The following MPDZ variants were observed in gnomAD, a reference collection of about 807,000 sequenced individuals.
The protein encoded by MPDZ is multiple PDZ domain protein.
MPDZ carries 234 observed loss-of-function variants against 239.1 expected under a neutral mutation model. The observed-to-expected ratio is 0.98, with a 90% confidence interval of 0.88 to 1.09. The LOEUF is 1.09. Among genes scored for constraint, MPDZ ranks in the 50% least tolerant of loss-of-function variants. The pLI is 0.00. For synonymous variants in MPDZ, 1,048 were observed against 881.3 expected (o/e 1.19, Z -3.35); for missense variants, 3,175 against 2,510.0 (o/e 1.26, Z -5.66).
At position 13,221,357 on chromosome 9, in the gene MPDZ, A is replaced by G. The variant is rs993244081; in HGVS notation, c.876+15T>C. 1.9e-6 allele frequency: 3 copies of G among 1,588,944 alleles called. No individual in the cohort carries two copies. Among genetic ancestry groups the G allele is most frequent in the African/African-American group, 2.7e-5 (2 of 74,060 alleles). On this transcript the variant is annotated intron_variant, in intron 7 of 46. Transcript: ENST00000319217. Reference sequence around the variant, plus strand: ...TTTGATAAAATAGCATAAAAGATCTATTGATGTAGCCTACCTGATCAGCTA... The same window carrying G: ...TTTGATAAAATAGCATAAAAGATCTGTTGATGTAGCCTACCTGATCAGCTA...
intron 6 of MPDZ, among the ~76,000 whole-genome samples, chr9:13,222,010 G>A (rs900322335): frequency 2.6e-5 from 4 of 152,052 alleles, no homozygotes; most frequent in Admixed American, 6.6e-5. Flanking sequence ...TTTAAGGAAT[G>A]CTGTCAAAGG....
At chr9:13,266,268 G>A (rs564964113) in intron 1 of MPDZ, among the ~76,000 whole-genome samples, 19 of 152,246 alleles carry the variant, frequency 1.2e-4, no homozygotes, top group African/African-American at 1.2e-4. Flanking sequence ...ATTTCTCATC[G>A]GAAGTCCTCT....
chr9:13,197,686 C>A (rs1955824771), intron 12 of MPDZ, among the ~76,000 whole-genome samples: 1 of 151,980 alleles, frequency 6.6e-6, no homozygotes, highest in African/African-American at 2.4e-5. Flanking sequence ...TGCTGTTGAA[C>A]ACTAGAACTT....
In MPDZ at chr9:13,210,596, G is replaced by A. The variant is rs910195857; in HGVS notation, c.1291-4497C>T. 2.0e-5 allele frequency among the ~76,000 whole-genome samples: 3 copies of A among 152,168 alleles called. No homozygotes were observed. The South Asian group carries it at 6.2e-4, about 32-fold the overall frequency. On this transcript the variant is annotated intron_variant, in intron 10 of 46. Transcript: ENST00000319217. ...AGCTGCTTTGACAGTGGAGCCAGAG[G>A]AAACTTCTGTTATGTTGGGAGCTGC...
intron 25 of MPDZ, 104 bp downstream of exon 25, chr9:13,150,407 G>T: frequency 1.2e-6 from 1 of 861,760 alleles, no homozygotes; most frequent in Non-Finnish European, 1.6e-6. Flanking sequence ...AAAAATTTTA[G>T]CACATGTACC....
At chr9:13,217,459 G>T (rs1179026186) in intron 8 of MPDZ, among the ~76,000 whole-genome samples, 165 bp from the exon 9 acceptor site, 3 of 151,872 alleles carry the variant, frequency 2.0e-5, no homozygotes, top group African/African-American at 7.2e-5. Flanking sequence ...CCTGAAAACA[G>T]GGATAGGCAT....
At chr9:13,180,119 G>A (rs1017749191) in intron 19 of MPDZ, among the ~76,000 whole-genome samples, 3 of 151,994 alleles carry the variant, frequency 2.0e-5, no homozygotes, top group African/African-American at 7.3e-5. Context: ...TGATTAGAGT[G>A]ATTTAGTTTT....
intron 16 of MPDZ, among the ~76,000 whole-genome samples, chr9:13,189,421 C>G (rs1954595740): frequency 6.6e-6 from 1 of 151,972 alleles, no homozygotes; most frequent in East Asian, 1.9e-4. Flanking sequence ...TAGGACCCAT[C>G]CTTTTGAAAT....
intron 1 of MPDZ, among the ~76,000 whole-genome samples, chr9:13,255,488 T>C (rs746740318): frequency 5.3e-5 from 8 of 152,214 alleles, no homozygotes; most frequent in Non-Finnish European, 8.8e-5. Context: ...GTACAGAAGC[T>C]ATAACTTTAC....
chr9:13,108,896 G>A (rs1465377071), intron 46 of MPDZ, 40 bp downstream of exon 46: 4 of 1,599,650 alleles, frequency 2.5e-6, no homozygotes, highest in Non-Finnish European at 3.4e-6. Context: ...ATTAATGAAT[G>A]TTTAGGGGAA....
chr9:13,199,861 C>G (rs1464717438), intron 12 of MPDZ, among the ~76,000 whole-genome samples: 1 of 151,988 alleles, frequency 6.6e-6, no homozygotes, highest in Non-Finnish European at 1.5e-5. Flanking sequence ...ATCTGGTTTG[C>G]TAGTATTTTG....
chr9:13,214,657 C>T (rs2136033402), intron 10 of MPDZ, among the ~76,000 whole-genome samples: 1 of 152,128 alleles, frequency 6.6e-6, no homozygotes, highest in South Asian at 2.1e-4. Context: ...AGTAAATTAG[C>T]TATGCTTTCA....
chr9:13,136,697 A>G lies in MPDZ; in HGVS notation c.4292+15T>C, dbSNP rs760434818. 3 of 1,480,824 alleles carry G rather than the reference A, an allele frequency of 2.0e-6. No homozygotes were observed. Among genetic ancestry groups the G allele is most frequent in the Non-Finnish European group, 2.8e-6 (3 of 1,074,152 alleles). 91.7% of individuals were successfully genotyped at this position (1,480,824 alleles called of 1,614,324 possible). On this transcript the variant is annotated intron_variant, in intron 30 of 46. Transcript: ENST00000319217. ...ACAAAAAGTATTTGGTAAACTAGCA[A>G]AAGAAAATGATCACCTGATAAAAAT...
At chr9:13,226,214 C>T (rs999839170) in intron 3 of MPDZ, among the ~76,000 whole-genome samples, 16 of 152,142 alleles carry the variant, frequency 1.1e-4, no homozygotes, top group East Asian at 5.8e-4. Flanking sequence ...CAATGACACA[C>T]GTAACAACAA....
intron 25 of MPDZ, among the ~76,000 whole-genome samples, chr9:13,148,051 G>T (rs1333412642): frequency 1.3e-5 from 2 of 151,906 alleles, no homozygotes; most frequent in African/African-American, 2.4e-5. Flanking sequence ...TTGACTATAG[G>T]GTGGTTTGGG....
rs565066750 is a variant in MPDZ at position 13,151,471 on chromosome 9, A to G, written c.3453-783T>C. ...TTCATCCTTTAAAAATGAAATTCTG[A>G]AACATACCATAATATGAATAAACCT... On this transcript the variant is annotated intron_variant, in intron 24 of 46. Transcript: ENST00000319217. 2.8e-4 allele frequency among the ~76,000 whole-genome samples: 42 copies of G among 152,266 alleles called. 2 individuals are homozygous for G. Among genetic ancestry groups the G allele is most frequent in the African/African-American group, 9.6e-4 (40 of 41,570 alleles).
chr9:13,234,142 G>C (rs1394207439), intron 3 of MPDZ, among the ~76,000 whole-genome samples: 1 of 151,902 alleles, frequency 6.6e-6, no homozygotes, highest in Non-Finnish European at 1.5e-5. Context: ...CTGGTACAAG[G>C]CTAATGTAAT....
chr9:13,223,365 G>C (rs138052353), intron 5 of MPDZ, among the ~76,000 whole-genome samples: 1 of 151,908 alleles, frequency 6.6e-6, no homozygotes, highest in Non-Finnish European at 1.5e-5. Context: ...CAAAACTTAA[G>C]TTATGACTAT....
intron 3 of MPDZ, among the ~76,000 whole-genome samples, chr9:13,237,090 T>G (rs1026327585): frequency 6.6e-6 from 1 of 152,106 alleles, no homozygotes; most frequent in Admixed American, 6.6e-5. Flanking sequence ...CAGTAAAACT[T>G]GTTAATTTTA....
Sources: gnomAD v4.1 joint callset for allele counts (sites outside exome capture counted in the v4.1 genomes callset) on GRCh38, gnomAD v4.1.1 for gene constraint, MANE v1.5 for transcripts, NCBI Gene and HGNC (gene_info 2026-07-23, HGNC 2026-07-21) for gene names.